The following XKRX variants were observed in gnomAD, a reference collection of about 807,000 sequenced individuals.
The protein encoded by XKRX is XK related X-linked, also known as XK-related protein 2.
In XKRX, 11 loss-of-function variants were observed where a neutral mutation model predicts 22.4. The observed-to-expected ratio is 0.49, with a 90% CI of 0.31 to 0.81. XKRX has a LOEUF of 0.81. XKRX is among the 40% of genes least tolerant of loss of function. XKRX has a pLI of 0.05. For synonymous variants in XKRX, 114 were observed against 132.2 expected (o/e 0.86, Z 0.94); for missense variants, 320 against 336.5 (o/e 0.95, Z 0.38).
chrX:100,888,824 A>G, the XKRX span, among the ~76,000 whole-genome samples: 1 of 110,195 alleles, frequency 9.1e-6, no homozygotes, highest in African/African-American at 3.3e-5. Flanking sequence ...TGAAATGAAA[A>G]TCAGCTTAGT....
At chrX:100,916,909 A>G (rs923385856) in intron 2 of XKRX, among the ~76,000 whole-genome samples, 2 of 112,439 alleles carry the variant, frequency 1.8e-5, no homozygotes, top group Admixed American at 1.9e-4. Flanking sequence ...ACCTGAGGTC[A>G]GGAGTTCGAG....
At chrX:100,895,798 C>T in the XKRX span, among the ~76,000 whole-genome samples, 1 of 111,811 alleles carries the variant, frequency 8.9e-6, no homozygotes, top group African/African-American at 3.2e-5. Context: ...GGTTCATGGG[C>T]GAGATCACTT....
chrX:100,949,084 G>A, the XKRX span, among the ~76,000 whole-genome samples: 1 of 112,602 alleles, frequency 8.9e-6, no homozygotes, highest in Non-Finnish European at 1.9e-5. Context: ...CAGTCGACAA[G>A]GCCCGACAGG....
upstream of XKRX, chrX:100,928,935 A>G (rs2085510594): frequency 3.2e-6 from 2 of 620,511 alleles, no homozygotes; most frequent in South Asian, 1.7e-4. Flanking sequence ...CAGGGTTCTC[A>G]GGATAGCTCC....
the XKRX span, among the ~76,000 whole-genome samples, chrX:100,935,583 T>A: frequency 1.8e-5 from 2 of 111,836 alleles, no homozygotes; most frequent in South Asian, 3.8e-4. Context: ...AAGACAGAAC[T>A]ATTCCAATAG....
At chrX:100,893,062 G>A in the XKRX span, among the ~76,000 whole-genome samples, 1 of 112,166 alleles carries the variant, frequency 8.9e-6, no homozygotes, top group African/African-American at 3.2e-5. Flanking sequence ...TACACTAAGT[G>A]AAATAAGCCA....
intron 1 of XKRX, among the ~76,000 whole-genome samples, 188 bp from the exon 2 acceptor site, chrX:100,923,249 T>C (rs1041248795): frequency 8.9e-6 from 1 of 112,139 alleles, no homozygotes; most frequent in African/African-American, 3.2e-5. Context: ...CCTCCTAGGC[T>C]CAAATGATCC....
the XKRX span, among the ~76,000 whole-genome samples, chrX:100,947,615 C>T: frequency 8.9e-6 from 1 of 112,011 alleles, no homozygotes; most frequent in African/African-American, 3.2e-5. Flanking sequence ...CAGGAAAACC[C>T]TAGCTCTCTG....
chrX:100,953,805 A>C, the XKRX span, among the ~76,000 whole-genome samples: 2 of 104,568 alleles, frequency 1.9e-5, no homozygotes, highest in African/African-American at 7.0e-5. Context: ...GCTACTCAGG[A>C]GGCTGAGACA....
At position 100,913,667 on chromosome X, in the gene XKRX, T is replaced by A. The variant is rs913569341; in HGVS notation, c.*671A>T. 1 of 112,381 alleles carries A rather than the reference T, an allele frequency of 8.9e-6. No individual in the cohort carries two copies. Among genetic ancestry groups the A allele is most frequent in the Non-Finnish European group, 1.9e-5 (1 of 53,322 alleles). 9.3% of individuals were successfully genotyped at this position (112,381 alleles called of 1,213,427 possible). On this transcript the variant is annotated 3_prime_UTR_variant, in exon 3 of 3. Coordinates refer to ENST00000372956, the MANE Select transcript of XKRX (RefSeq NM_212559.3). ...CCTGAGAAAAAGAGTCATTTTGGCT[T>A]ATGCCCTGAAGGAATTCTACTCTGC...
the XKRX span, among the ~76,000 whole-genome samples, chrX:100,944,921 C>A: frequency 3.6e-5 from 4 of 111,062 alleles, no homozygotes; most frequent in African/African-American, 1.3e-4. Flanking sequence ...TTGTCAGATT[C>A]CAGCTAGAAA....
At chrX:100,923,187 C>T (rs774530850) in intron 1 of XKRX, 126 bp from the exon 2 acceptor site, 2 of 852,752 alleles carry the variant, frequency 2.3e-6, no homozygotes, top group Admixed American at 3.1e-5. Flanking sequence ...GGTCTTACTC[C>T]ATCACCCTGG....
chrX:100,888,461 G>T, the XKRX span: 1 of 990,551 alleles, frequency 1.0e-6, no homozygotes, highest in Non-Finnish European at 1.4e-6. Context: ...TCTCATTACC[G>T]CACAGTCTGT....
downstream of XKRX, among the ~76,000 whole-genome samples, chrX:100,913,213 A>T (rs916672173): frequency 1.8e-5 from 2 of 109,700 alleles, no homozygotes; most frequent in African/African-American, 6.6e-5. Flanking sequence ...AGAAAAAAAA[A>T]AAAAGTAAAC....
chrX:100,918,205 GA>G (rs1204738346), intron 2 of XKRX, among the ~76,000 whole-genome samples: 2 of 111,565 alleles, frequency 1.8e-5, no homozygotes, highest in Non-Finnish European at 3.8e-5. Context: ...TTTAGTGGAG[GA>G]AAAGTTAAGA....
chrX:100,936,721 G>A, the XKRX span, among the ~76,000 whole-genome samples: 1 of 109,666 alleles, frequency 9.1e-6, no homozygotes, highest in Non-Finnish European at 1.9e-5. Flanking sequence ...AATAATGGCA[G>A]AAGGGGAAGC....
intron 2 of XKRX, among the ~76,000 whole-genome samples, chrX:100,917,692 AAGAAAGAAAGAAAGAAAGAAAGAAAG>A (rs2085450078): frequency 9.8e-6 from 1 of 101,750 alleles, no homozygotes; most frequent in African/African-American, 3.7e-5. Context: ...GAAAGAAAGA[AAGAAAGAAAGAAAGAAAGAAAGAAAG>A]AAAGAAATCC....
At chrX:100,893,074 G>T in the XKRX span, among the ~76,000 whole-genome samples, 7 of 112,132 alleles carry the variant, frequency 6.2e-5, no homozygotes, top group Non-Finnish European at 1.3e-4. Context: ...AATAAGCCAG[G>T]CACAGAAAGA....
chrX:100,941,525 G>A, the XKRX span, among the ~76,000 whole-genome samples: 2 of 111,506 alleles, frequency 1.8e-5, no homozygotes, highest in East Asian at 5.7e-4. Context: ...CTCCAGCCTG[G>A]GTGATAGAGC....
Sources: gnomAD v4.1 joint callset for allele counts (sites outside exome capture counted in the v4.1 genomes callset) on GRCh38, gnomAD v4.1.1 for gene constraint, MANE v1.5 for transcripts, NCBI Gene and HGNC (gene_info 2026-07-23, HGNC 2026-07-21) for gene names.